Variants in ATG7 observed in about 807,000 individuals in gnomAD.
ATG7 encodes the protein autophagy related 7.
In ATG7, 70 loss-of-function variants were observed where a neutral mutation model predicts 82.4. That is an observed-to-expected ratio of 0.85 (90% CI 0.70 to 1.04). The LOEUF is 1.04. Among genes scored for constraint, ATG7 ranks in the 50% least tolerant of loss-of-function variants. The pLI, the probability that ATG7 is intolerant of heterozygous loss-of-function variation, is 0.00. For missense variants in ATG7, 792 were observed against 864.3 expected (o/e 0.92, Z 1.05); for synonymous variants, 287 against 313.0 (o/e 0.92, Z 0.88).
chr3:11,281,774 CAAAAA>C (rs537058033), intron 2 of ATG7, among the ~76,000 whole-genome samples: 1 of 56,396 alleles, frequency 1.8e-5, no homozygotes, highest in Non-Finnish European at 3.7e-5. Flanking sequence ...AACTCCATCT[CAAAAA>C]AAAAAAAAAA....
In ATG7 at chr3:11,556,017, G is replaced by T. The variant is rs2072369217; in HGVS notation, c.*1174G>T. On this transcript the variant is annotated 3_prime_UTR_variant, in exon 21 of 21. Coordinates refer to ENST00000693202, the MANE Select transcript of ATG7 (RefSeq NM_001349232.2). ...GGGGACACAGCCGGCACAGGTGCAG[G>T]GCCCGAGTCCGCCCACCCAGCCTGG... 1 of 152,700 alleles carries T rather than the reference G, an allele frequency of 6.5e-6. No individual in the cohort carries two copies. 9.5% of individuals were successfully genotyped at this position (152,700 alleles called of 1,614,324 possible).
At chr3:11,522,772 C>T (rs2092475373) in intron 20 of ATG7, among the ~76,000 whole-genome samples, 1 of 152,210 alleles carries the variant, frequency 6.6e-6, no homozygotes, top group African/African-American at 2.4e-5. Context: ...CAAATGCCCA[C>T]CCCAGGCCTA....
intron 19 of ATG7, among the ~76,000 whole-genome samples, chr3:11,396,069 T>C (rs4684069): frequency 0.21 from 31,800 of 148,238 alleles, 3,953 homozygotes; most frequent in South Asian, 0.34. Context: ...TTATTGGGTC[T>C]TCTCCAAATA....
intron 19 of ATG7, among the ~76,000 whole-genome samples, chr3:11,418,270 A>ATTT (rs551384190): frequency 1.4e-5 from 2 of 141,388 alleles, no homozygotes; most frequent in Non-Finnish European, 3.1e-5. Context: ...ATACCTGGCT[A>ATTT]TTTTTTTTTT....
At chr3:11,452,937 T>C (rs1332402998) in intron 20 of ATG7, among the ~76,000 whole-genome samples, 1 of 152,220 alleles carries the variant, frequency 6.6e-6, no homozygotes, top group Non-Finnish European at 1.5e-5. Context: ...CTGCTGGAAG[T>C]GCACGATTCC....
In ATG7 at chr3:11,362,925, A is replaced by T; in HGVS notation, c.1796A>T (p.Glu599Val). The T allele has an allele frequency of 6.2e-7, 1 of 1,613,596 alleles. No individual in the cohort carries two copies. Among genetic ancestry groups the T allele is most frequent in the Non-Finnish European group, 8.5e-7 (1 of 1,179,770 alleles). The change falls in exon 17 of 21, where the codon GAA becomes GTA. Residue 599 changes from glutamate to valine, a missense_variant. Coordinates refer to ENST00000693202, the MANE Select transcript of ATG7 (RefSeq NM_001349232.2). ...ELMVSVLQHP[E>V]GGYAIASSSD... ...ATGGTATCTGTTTTGCAGCATCCAGAAGGGTGAGTTTGCTAGTAGGAGATG... is the reference window on the plus strand; with the variant it reads ...ATGGTATCTGTTTTGCAGCATCCAGTAGGGTGAGTTTGCTAGTAGGAGATG...
chr3:11,315,788 G>C (rs112481084), intron 9 of ATG7, among the ~76,000 whole-genome samples: 1 of 152,062 alleles, frequency 6.6e-6, no homozygotes, highest in African/African-American at 2.4e-5. Context: ...GCGCAGTGGC[G>C]CAATCTTGGC....
At chr3:11,573,384 AAAG>A in the ATG7 span, among the ~76,000 whole-genome samples, 1 of 147,842 alleles carries the variant, frequency 6.8e-6, no homozygotes, top group Non-Finnish European at 1.5e-5. Flanking sequence ...AGAAAGAAAG[AAAG>A]AAAGAAAGAA....
intron 18 of ATG7, among the ~76,000 whole-genome samples, chr3:11,377,923 A>G (rs930290166): frequency 1.6e-4 from 24 of 152,014 alleles, no homozygotes; most frequent in African/African-American, 5.6e-4. Context: ...GCCTCAGGTC[A>G]TGGATTATGA....
intron 20 of ATG7, among the ~76,000 whole-genome samples, chr3:11,468,233 A>G (rs1020867874): frequency 5.9e-5 from 9 of 152,140 alleles, no homozygotes; most frequent in Non-Finnish European, 1.2e-4. Context: ...TATTTTTACC[A>G]TTTGGATTTT....
intron 20 of ATG7, among the ~76,000 whole-genome samples, chr3:11,478,126 G>A (rs1024679823): frequency 1.3e-5 from 2 of 152,132 alleles, no homozygotes; most frequent in African/African-American, 2.4e-5. Context: ...TCCTGTGACC[G>A]ACAGTCTTGT....
intron 20 of ATG7, among the ~76,000 whole-genome samples, chr3:11,523,968 C>T (rs989785940): frequency 2.0e-5 from 3 of 152,186 alleles, no homozygotes; most frequent in African/African-American, 4.8e-5. Flanking sequence ...AGAGCCATTG[C>T]GCTCTGCATG....
rs925991476 is a variant in ATG7, at chr3:11,360,590, A to C, written c.1489A>C (p.Asn497His). The change falls in exon 16 of 21, where the codon AAT (asparagine) becomes CAT (histidine). Residue 497 changes from asparagine (N) to histidine (H), a missense_variant. Transcript: ENST00000693202. ...IAASKRKLVI[N>H]AALGFDTFVV... is the part of the protein sequence containing the mutation. ...TCCTTGAAACCTGCAGCTGGTCATCAATGCTGCTTTGGGATTTGACACATT... is the reference window on the plus strand; with the variant it reads ...TCCTTGAAACCTGCAGCTGGTCATCCATGCTGCTTTGGGATTTGACACATT... The C allele has an allele frequency of 6.2e-7, 1 of 1,613,418 alleles. No homozygotes were observed.
chr3:11,295,776 CTTTCTTTCTTTCT>C (rs779865873), intron 3 of ATG7, among the ~76,000 whole-genome samples: 51 of 76,840 alleles, frequency 6.6e-4, no homozygotes, highest in Non-Finnish European at 1.0e-3. Flanking sequence ...TCTTTCTTTT[CTTTCTTTCTTTCT>C]TTTTTTTTTT....
chr3:11,395,546 A>C (rs2079140137), intron 19 of ATG7, among the ~76,000 whole-genome samples: 1 of 152,224 alleles, frequency 6.6e-6, no homozygotes, highest in African/African-American at 2.4e-5. Context: ...CTTACAGTTG[A>C]CTTGCAGAGT....
chr3:11,439,297 T>C (rs746640149), intron 20 of ATG7, among the ~76,000 whole-genome samples: 1 of 151,946 alleles, frequency 6.6e-6, no homozygotes, highest in Non-Finnish European at 1.5e-5. Context: ...TCGAACTCCT[T>C]ACCTCAAATG....
chr3:11,363,418 T>G (rs2152816087), intron 17 of ATG7, among the ~76,000 whole-genome samples: 1 of 152,244 alleles, frequency 6.6e-6, no homozygotes, highest in African/African-American at 2.4e-5. Context: ...GATTTTTGTA[T>G]TTTTAGTAGA....
At chr3:11,343,588 G>A (rs1030133186) in intron 13 of ATG7, among the ~76,000 whole-genome samples, 4 of 151,948 alleles carry the variant, frequency 2.6e-5, no homozygotes, top group Admixed American at 1.3e-4. Context: ...TATTATATGT[G>A]TCAGTCTTTT....
chr3:11,439,070 T>TTTTC (rs2083629777), intron 20 of ATG7, among the ~76,000 whole-genome samples: 1 of 5,380 alleles, frequency 1.9e-4, no homozygotes, highest in African/African-American at 7.0e-4. Flanking sequence ...TCTTTCTTTC[T>TTTTC]TTTTTTTTTT....
Sources: gnomAD v4.1 joint callset for allele counts (sites outside exome capture counted in the v4.1 genomes callset) on GRCh38, gnomAD v4.1.1 for gene constraint, MANE v1.5 for transcripts, NCBI Gene and HGNC (gene_info 2026-07-23, HGNC 2026-07-21) for gene names.